SCN9A: variants seen among roughly 807,000 people sequenced by gnomAD.
SCN9A encodes the protein sodium voltage-gated channel alpha subunit 9, also known as sodium channel protein type 9 subunit alpha.
A neutral mutation model predicts 187.0 loss-of-function variants in SCN9A; 131 were observed. The ratio of observed to expected loss-of-function variants is 0.70; its 90% CI spans 0.61 to 0.81. The LOEUF is 0.81. SCN9A is among the 30% of genes least tolerant of loss of function. The pLI, the probability that SCN9A is intolerant of heterozygous loss-of-function variation, is 0.00. For missense variants in SCN9A, 2,252 were observed against 2,396.6 expected, an observed-to-expected ratio of 0.94 and a Z score of 1.26; for synonymous variants, 809 against 808.6, an observed-to-expected ratio of 1.00 and a Z score of -0.01.
At chr2:166,251,253 G>T (rs186488068) in intron 18 of SCN9A, among the ~76,000 whole-genome samples, 2 of 152,116 alleles carry the variant, frequency 1.3e-5, no homozygotes, top group African/African-American at 4.8e-5. Flanking sequence ...TACAGGATGT[G>T]CAGAAAAAAT....
intron 18 of SCN9A, among the ~76,000 whole-genome samples, chr2:166,245,890 C>A (rs368445785): frequency 6.6e-6 from 1 of 151,960 alleles, no homozygotes; most frequent in African/African-American, 2.4e-5. Context: ...TGACAAGATG[C>A]ACCTGGTAGA....
chr2:166,317,436 T>C (rs1699136041), intron 1 of SCN9A, among the ~76,000 whole-genome samples: 1 of 152,180 alleles, frequency 6.6e-6, no homozygotes, highest in African/African-American at 2.4e-5. Flanking sequence ...CTCATTACTA[T>C]CTTACCCACT....
Position 166,288,662 on chromosome 2 carries a change from T to A in SCN9A, c.1108-19A>T. 1 of 1,516,726 alleles carries A rather than the reference T, an allele frequency of 6.6e-7. No individual in the cohort carries two copies. The highest frequency in any genetic ancestry group is 8.9e-7 in the Non-Finnish European group (1 of 1,127,608). 94.0% of individuals were successfully genotyped at this position (1,516,726 alleles called of 1,614,324 possible). ...GCAGCGTCTAGGGAAAAATGGAAAT[T>A]GTCATTTGAACAATAAAAAGTTTTT... is the stretch of plus-strand genomic sequence containing the variant. On this transcript the variant is annotated intron_variant, in intron 9 of 26. Transcript: ENST00000642356.
chr2:166,285,789 A>G (rs1697711317), intron 11 of SCN9A, among the ~76,000 whole-genome samples: 1 of 152,170 alleles, frequency 6.6e-6, no homozygotes, highest in Non-Finnish European at 1.5e-5. Context: ...TGAGAGATGA[A>G]GGTTTCAGTG....
chr2:166,294,972 T>C lies in SCN9A; in HGVS notation c.902-310A>G, dbSNP rs535338338. ...AAAAATTTAAGTAAATAAATAAATATACAAGATATTTTCAGATAGTGATAA... is the reference window on the plus strand; with the variant it reads ...AAAAATTTAAGTAAATAAATAAATACACAAGATATTTTCAGATAGTGATAA... On this transcript the variant is annotated intron_variant, in intron 7 of 26. Transcript: ENST00000642356. Among the ~76,000 whole-genome samples the C allele has an allele frequency of 1.9e-3, 283 of 152,258 alleles. 1 individual carries two copies. Among genetic ancestry groups the C allele is most frequent in the African/African-American group, 6.4e-3 (267 of 41,556 alleles).
intron 24 of SCN9A, among the ~76,000 whole-genome samples, chr2:166,209,020 TG>T (rs1693952543): frequency 6.6e-6 from 1 of 152,230 alleles, no homozygotes; most frequent in Admixed American, 6.5e-5. Flanking sequence ...TTGCCTCATA[TG>T]GAGCACTGAA....
intron 1 of SCN9A, among the ~76,000 whole-genome samples, chr2:166,364,693 CATT>C (rs989114457): frequency 9.8e-4 from 149 of 151,958 alleles, no homozygotes; most frequent in African/African-American, 3.5e-3. Context: ...AGTGTGGAGT[CATT>C]GTTTAATAGT....
chr2:166,231,548 C>CTTTTTTTTTTT (rs57067738), intron 21 of SCN9A, among the ~76,000 whole-genome samples: 1 of 99,066 alleles, frequency 1.0e-5, no homozygotes, highest in Non-Finnish European at 1.8e-5. Context: ...CAAGAATTTG[C>CTTTTTTTTTTT]TTTTTTTTTT....
chr2:166,304,734 C>T (rs1312499244), intron 5 of SCN9A, among the ~76,000 whole-genome samples: 4 of 151,842 alleles, frequency 2.6e-5, no homozygotes, highest in South Asian at 2.1e-4. Flanking sequence ...AGAGATAAAA[C>T]ATAGATGAGT....
chr2:166,272,274 C>T (rs1253667710), intron 17 of SCN9A, 125 bp downstream of exon 17: 13 of 605,836 alleles, frequency 2.1e-5, no homozygotes, highest in African/African-American at 9.3e-5. Context: ...TGTAAAGTCA[C>T]GCACAAAAAC....
At chr2:166,222,945 C>CAAAAAAAAAAAAAAAAAAAAAAAAAAAAA (rs1309168684) in intron 24 of SCN9A, among the ~76,000 whole-genome samples, 7 of 44,972 alleles carry the variant, frequency 1.6e-4, no homozygotes, top group East Asian at 6.7e-4. Flanking sequence ...AAAAAAACAA[C>CAAAAAAAAAAAAAAAAAAAAAAAAAAAAA]AAAAAAAAAA....
chr2:166,230,620 A>G (rs952643869), intron 21 of SCN9A, among the ~76,000 whole-genome samples: 15 of 152,088 alleles, frequency 9.9e-5, no homozygotes, highest in Non-Finnish European at 1.9e-4. Flanking sequence ...AATGTCTGAA[A>G]TGTCACCTCC....
intron 1 of SCN9A, among the ~76,000 whole-genome samples, chr2:166,348,107 G>A (rs7566965): frequency 0.052 from 7,936 of 152,112 alleles, 680 homozygotes; most frequent in African/African-American, 0.18. Context: ...AGAGGAAGAG[G>A]CAAGAGGATG....
chr2:166,224,999 T>C (rs1471914600), intron 24 of SCN9A, among the ~76,000 whole-genome samples: 1 of 152,090 alleles, frequency 6.6e-6, no homozygotes, highest in Non-Finnish European at 1.5e-5. Flanking sequence ...TAAACATCAA[T>C]CTCCTGCTTC....
At chr2:166,340,493 C>T (rs187660096) in intron 1 of SCN9A, among the ~76,000 whole-genome samples, 7,320 of 139,912 alleles carry the variant, frequency 0.052, 259 homozygotes, top group African/African-American at 0.077. Flanking sequence ...TTCTTTTTTT[C>T]TTTCTTTCTT....
chr2:166,249,613 T>C (rs1695947636), intron 18 of SCN9A, among the ~76,000 whole-genome samples: 1 of 152,088 alleles, frequency 6.6e-6, no homozygotes, highest in South Asian at 2.1e-4. Flanking sequence ...TCCATAATAT[T>C]TCTTCTATAC....
At chr2:166,241,254 C>T (rs1163772030) in intron 19 of SCN9A, among the ~76,000 whole-genome samples, 1 of 152,002 alleles carries the variant, frequency 6.6e-6, no homozygotes, top group African/African-American at 2.4e-5. Flanking sequence ...ATCTGGGCTC[C>T]TAATGGCTTC....
intron 26 of SCN9A, among the ~76,000 whole-genome samples, chr2:166,201,248 GTATACATATACTATACA>G (rs202125650): frequency 0.025 from 3,613 of 146,744 alleles, 136 homozygotes; most frequent in African/African-American, 0.084. Flanking sequence ...ACAGTATATA[GTATACATATACTATACA>G]TATACATATA....
At chr2:166,278,117 T>G in intron 15 of SCN9A, 23 bp downstream of exon 15, 1 of 1,595,572 alleles carries the variant, frequency 6.3e-7, no homozygotes, top group Admixed American at 1.7e-5. Flanking sequence ...TAGAATATAA[T>G]GGCAACCTTA....
Sources: allele counts gnomAD v4.1 joint callset (sites outside exome capture counted in the v4.1 genomes callset), GRCh38; gene constraint gnomAD v4.1.1; transcripts MANE v1.5; gene names NCBI Gene and HGNC (gene_info 2026-07-23, HGNC 2026-07-21).